The following LRMDA variants were observed in gnomAD, a reference collection of about 807,000 sequenced individuals.
The protein encoded by LRMDA is leucine-rich melanocyte differentiation-associated protein.
A neutral mutation model predicts 29.8 loss-of-function variants in LRMDA; 18 were observed. The ratio of observed to expected loss-of-function variants is 0.60; its 90% CI spans 0.42 to 0.90. The LOEUF is 0.90. Among genes scored for constraint, LRMDA ranks in the 40% least tolerant of loss-of-function variants. LRMDA has a pLI of 0.00. For missense variants in LRMDA, 273 were observed against 273.9 expected, an observed-to-expected ratio of 1.00 and a Z score of 0.02; for synonymous variants, 125 against 109.4, an observed-to-expected ratio of 1.14 and a Z score of -0.89.
At chr10:76,187,954 C>T (rs1434025627) in intron 5 of LRMDA, among the ~76,000 whole-genome samples, 1 of 152,162 alleles carries the variant, frequency 6.6e-6, no homozygotes, top group Non-Finnish European at 1.5e-5. Flanking sequence ...TAGGCTGATT[C>T]ATTGCAGCAT....
At chr10:76,429,562 G>A (rs1047095871) in intron 6 of LRMDA, among the ~76,000 whole-genome samples, 8 of 151,864 alleles carry the variant, frequency 5.3e-5, no homozygotes, top group Non-Finnish European at 1.0e-4. Context: ...GGGATGACGG[G>A]TTGCGTTTCA....
At chr10:76,040,098 G>A (rs768999220) in intron 3 of LRMDA, among the ~76,000 whole-genome samples, 1 of 152,154 alleles carries the variant, frequency 6.6e-6, no homozygotes, top group Non-Finnish European at 1.5e-5. Context: ...ATTGTCAGTA[G>A]TGGGGCTTAG....
intron 2 of LRMDA, among the ~76,000 whole-genome samples, chr10:75,618,406 A>C (rs1418594457): frequency 1.4e-5 from 2 of 141,674 alleles, no homozygotes; most frequent in Non-Finnish European, 3.0e-5. Context: ...ATATATATAT[A>C]TCAGACTATA....
intron 2 of LRMDA, among the ~76,000 whole-genome samples, chr10:75,580,001 A>C (rs1840565839): frequency 6.6e-6 from 1 of 152,258 alleles, no homozygotes. Context: ...ATTCCCTTTC[A>C]AAACCAGCAC....
chr10:75,767,271 G>A (rs991612212), intron 2 of LRMDA, among the ~76,000 whole-genome samples: 13 of 152,326 alleles, frequency 8.5e-5, no homozygotes, highest in African/African-American at 2.4e-4. Context: ...CAGTGTAAAA[G>A]CATTCCTATT....
chr10:76,427,837 C>G (rs1349460293), intron 6 of LRMDA, among the ~76,000 whole-genome samples: 1 of 152,052 alleles, frequency 6.6e-6, no homozygotes, highest in African/African-American at 2.4e-5. Context: ...TTGTCAAAGG[C>G]CTTTTCTGCA....
chr10:75,516,687 A>G (rs1025479267), intron 2 of LRMDA, among the ~76,000 whole-genome samples: 1 of 152,078 alleles, frequency 6.6e-6, no homozygotes, highest in African/African-American at 2.4e-5. Context: ...TTTGCCTTGC[A>G]GAAGCTCTTT....
At chr10:76,190,114 G>A (rs1851218853) in intron 5 of LRMDA, among the ~76,000 whole-genome samples, 1 of 152,130 alleles carries the variant, frequency 6.6e-6, no homozygotes, top group East Asian at 1.9e-4. Flanking sequence ...TCTGTCTGAA[G>A]GCTCACAATT....
intron 6 of LRMDA, among the ~76,000 whole-genome samples, chr10:76,544,716 A>G (rs1156835440): frequency 3.1e-5 from 1 of 31,846 alleles, no homozygotes; most frequent in Non-Finnish European, 6.6e-5. Flanking sequence ...ACATGCACAC[A>G]CACACACACA....
At chr10:75,807,503 G>A (rs1319368836) in intron 2 of LRMDA, among the ~76,000 whole-genome samples, 2 of 152,206 alleles carry the variant, frequency 1.3e-5, no homozygotes, top group South Asian at 2.1e-4. Flanking sequence ...CTTCGGGATT[G>A]TATTTGCATC....
chr10:76,393,058 A>G lies in LRMDA; in HGVS notation c.601+68573A>G, dbSNP rs570768064. Among the ~76,000 whole-genome samples the G allele has an allele frequency of 5.3e-5, 8 of 152,268 alleles. No homozygotes were observed. In the South Asian group the frequency reaches 1.4e-3, roughly 28 times the overall value. On this transcript the variant is annotated intron_variant, in intron 6 of 6. Coordinates refer to ENST00000611255, the MANE Select transcript of LRMDA (RefSeq NM_001305581.2). The stretch of plus-strand genomic sequence containing the variant: ...ATAGTAGTTCATTGTGTACAAGTAC[A>G]CCACACTTTCTTAATCCATTCATTC...
intron 2 of LRMDA, among the ~76,000 whole-genome samples, chr10:75,774,005 T>A (rs1374646926): frequency 6.6e-6 from 1 of 152,218 alleles, no homozygotes; most frequent in Non-Finnish European, 1.5e-5. Flanking sequence ...CAGCATAGTA[T>A]GAGTACATGG....
chr10:75,588,935 G>A (rs1840688351), intron 2 of LRMDA, among the ~76,000 whole-genome samples: 1 of 152,108 alleles, frequency 6.6e-6, no homozygotes, highest in African/African-American at 2.4e-5. Flanking sequence ...CACATAGAGA[G>A]CTTCCTCATT....
At chr10:75,943,876 G>A (rs902289563) in intron 2 of LRMDA, among the ~76,000 whole-genome samples, 1 of 152,134 alleles carries the variant, frequency 6.6e-6, no homozygotes, top group South Asian at 2.1e-4. Context: ...TGTATGCTCT[G>A]CTCTGCTGTC....
chr10:75,608,129 T>TACAC (rs71477024), intron 2 of LRMDA, among the ~76,000 whole-genome samples: 1,279 of 86,294 alleles, frequency 0.015, 11 homozygotes, highest in Non-Finnish European at 0.02. Flanking sequence ...TATATATATA[T>TACAC]ACACACACAT....
intron 5 of LRMDA, among the ~76,000 whole-genome samples, chr10:76,064,127 A>G (rs1848746461): frequency 6.6e-6 from 1 of 152,216 alleles, no homozygotes. Flanking sequence ...AAAAGGCAGG[A>G]AAGAAACCAT....
intron 2 of LRMDA, among the ~76,000 whole-genome samples, chr10:75,579,362 A>T (rs890654588): frequency 6.6e-6 from 1 of 152,210 alleles, no homozygotes; most frequent in Non-Finnish European, 1.5e-5. Flanking sequence ...CCCTCCCAAG[A>T]CTAAACCAGG....
At chr10:75,679,168 A>G (rs573270082) in intron 2 of LRMDA, among the ~76,000 whole-genome samples, 18 of 152,316 alleles carry the variant, frequency 1.2e-4, no homozygotes, top group African/African-American at 3.6e-4. Flanking sequence ...CCCACTGTGT[A>G]ATTTCTACCC....
At chr10:76,335,941 C>T (rs7071465) in intron 6 of LRMDA, among the ~76,000 whole-genome samples, 2 of 151,962 alleles carry the variant, frequency 1.3e-5, no homozygotes, top group African/African-American at 4.8e-5. Flanking sequence ...AACCCACCCC[C>T]GACTTTCCAT....
Sources: allele counts gnomAD v4.1 joint callset (sites outside exome capture counted in the v4.1 genomes callset), GRCh38; gene constraint gnomAD v4.1.1; transcripts MANE v1.5; gene names NCBI Gene and HGNC (gene_info 2026-07-23, HGNC 2026-07-21).